MAN2A1: variants seen among roughly 807,000 people sequenced by gnomAD.
The protein encoded by MAN2A1 is mannosidase alpha class 2A member 1.
MAN2A1 carries 76 observed loss-of-function variants against 142.6 expected under a neutral mutation model. The ratio of observed to expected loss-of-function variants is 0.53; its 90% CI spans 0.44 to 0.65. MAN2A1 has a LOEUF of 0.65. Among genes scored for constraint, MAN2A1 ranks in the 30% least tolerant of loss-of-function variants. The pLI, the probability that MAN2A1 is intolerant of heterozygous loss-of-function variation, is 0.00. For missense variants in MAN2A1, 1,311 were observed against 1,365.1 expected (o/e 0.96, Z 0.62); for synonymous variants, 559 against 473.2 (o/e 1.18, Z -2.35).
At chr5:109,813,472 G>A (rs1297894686) in intron 12 of MAN2A1, among the ~76,000 whole-genome samples, 1 of 152,236 alleles carries the variant, frequency 6.6e-6, no homozygotes, top group Non-Finnish European at 1.5e-5. Flanking sequence ...TCCTGCTCTT[G>A]TTGAACCTCA....
At chr5:109,692,737 A>G (rs1750706621) in intron 1 of MAN2A1, among the ~76,000 whole-genome samples, 1 of 137,012 alleles carries the variant, frequency 7.3e-6, no homozygotes, top group African/African-American at 2.8e-5. Flanking sequence ...GTGATCCTCA[A>G]CCTTTTTGGT....
intron 5 of MAN2A1, among the ~76,000 whole-genome samples, chr5:109,760,159 CT>C (rs1752804639): frequency 6.6e-6 from 1 of 152,086 alleles, no homozygotes; most frequent in South Asian, 2.1e-4. Context: ...CCTGACGCCC[CT>C]GTGTGTCGTG....
chr5:109,690,405 T>G lies in MAN2A1; in HGVS notation c.-13T>G. 6.2e-7 allele frequency: 1 copy of G among 1,613,896 alleles called. No homozygotes were observed. The highest frequency in any genetic ancestry group is 1.1e-5 in the South Asian group (1 of 91,076). On this transcript the variant is annotated 5_prime_UTR_variant, in exon 1 of 22. Transcript: ENST00000261483. ...CTGAGGAGAGTGTCCTGGCCCCGAG[T>G]CTATCGAGGAAAATGAAGTTAAGCC... is the stretch of plus-strand genomic sequence containing the variant.
intron 6 of MAN2A1, 87 bp from the exon 7 acceptor site, chr5:109,770,268 A>C (rs1390935113): frequency 2.4e-6 from 3 of 1,236,448 alleles, no homozygotes; most frequent in Non-Finnish European, 2.3e-6. Context: ...AATCAGCATT[A>C]CTTTGTGTAA....
chr5:109,701,095 G>A (rs2112544697), intron 1 of MAN2A1, among the ~76,000 whole-genome samples: 1 of 152,296 alleles, frequency 6.6e-6, no homozygotes, highest in African/African-American at 2.4e-5. Context: ...TTATGTAGCA[G>A]GCACTGTTCT....
At chr5:109,702,338 TG>T (rs1751010469) in intron 1 of MAN2A1, among the ~76,000 whole-genome samples, 1 of 151,714 alleles carries the variant, frequency 6.6e-6, no homozygotes, top group Non-Finnish European at 1.5e-5. Flanking sequence ...TGTGTGTGTG[TG>T]TGTGTGTGTG....
chr5:109,759,574 T>G (rs543616211), intron 5 of MAN2A1, among the ~76,000 whole-genome samples: 2 of 152,304 alleles, frequency 1.3e-5, no homozygotes, highest in East Asian at 3.9e-4. Context: ...CACAGGTCTT[T>G]TTATGGGCAT....
intron 4 of MAN2A1, among the ~76,000 whole-genome samples, chr5:109,731,924 G>A (rs1751925278): frequency 1.3e-5 from 2 of 150,738 alleles, no homozygotes; most frequent in Admixed American, 1.3e-4. Context: ...CTGGATCCCT[G>A]AGGAATCGCC....
rs555106582 is a variant in MAN2A1, at chr5:109,697,834, G to A, written c.135+7282G>A. Among the ~76,000 whole-genome samples the A allele has an allele frequency of 9.5e-4, 145 of 152,262 alleles. 1 individual carries two copies. Among genetic ancestry groups the A allele is most frequent in the Non-Finnish European group, 1.7e-3 (113 of 68,012 alleles). Reference sequence around the variant, plus strand: ...TTAATTAAAGACAAACAAAATTCTCGTAAATTGGTTATTAGATAAGCATTG... The same window carrying A: ...TTAATTAAAGACAAACAAAATTCTCATAAATTGGTTATTAGATAAGCATTG... On this transcript the variant is annotated intron_variant, in intron 1 of 21. Transcript: ENST00000261483.
intron 19 of MAN2A1, among the ~76,000 whole-genome samples, chr5:109,851,439 G>T (rs567583119): frequency 1.3e-4 from 20 of 152,280 alleles, no homozygotes; most frequent in Admixed American, 9.2e-4. Flanking sequence ...TCTGCCTCAT[G>T]AATGAATTAA....
intron 4 of MAN2A1, among the ~76,000 whole-genome samples, chr5:109,748,759 A>G (rs1582855562): frequency 6.6e-6 from 1 of 151,944 alleles, no homozygotes; most frequent in African/African-American, 2.4e-5. Context: ...ATGTGGCTGG[A>G]TTGCAATGAG....
chr5:109,815,541 A>T (rs1009007554), intron 12 of MAN2A1, among the ~76,000 whole-genome samples: 1 of 152,176 alleles, frequency 6.6e-6, no homozygotes, highest in Non-Finnish European at 1.5e-5. Flanking sequence ...GACATTCTTA[A>T]TGTCATTATC....
At chr5:109,736,997 A>G (rs1168826405) in intron 4 of MAN2A1, among the ~76,000 whole-genome samples, 1 of 152,020 alleles carries the variant, frequency 6.6e-6, no homozygotes, top group Non-Finnish European at 1.5e-5. Context: ...TGTTAGAAAA[A>G]TAATTTTCAA....
chr5:109,789,485 C>G lies in MAN2A1; in HGVS notation c.1901C>G (p.Ser634Cys), dbSNP rs1178311235. ...EMDLKQKSQD[S>C]LPQKNIIRLS... is the part of the protein sequence containing the mutation. The stretch of plus-strand genomic sequence containing the variant: ...GATTTGAAACAAAAATCACAAGATT[C>G]TCTGCCACAAAAAAATATAATAAGG... The change falls in exon 12 of 22, where the codon TCT (serine) becomes TGT (cysteine). Residue 634 changes from serine (S) to cysteine (C), a missense_variant. Around this residue, in one of 3 missense-constraint regions of MAN2A1, gnomAD observed 890 missense variants for 920.5 expected, o/e 0.97. Coordinates refer to ENST00000261483, the MANE Select transcript of MAN2A1 (RefSeq NM_002372.4). 1.3e-6 allele frequency: 2 copies of G among 1,589,138 alleles called. No homozygotes were observed. The highest frequency in any genetic ancestry group is 1.7e-6 in the Non-Finnish European group (2 of 1,165,792).
chr5:109,846,077 A>G (rs1341426310), intron 18 of MAN2A1, 71 bp downstream of exon 18: 1 of 1,390,356 alleles, frequency 7.2e-7, no homozygotes, highest in Admixed American at 2.2e-5. Context: ...TCTGTTGGTC[A>G]GATGTGGTAT....
intron 16 of MAN2A1, among the ~76,000 whole-genome samples, chr5:109,829,667 T>C (rs1017301292): frequency 6.6e-6 from 1 of 152,190 alleles, no homozygotes; most frequent in African/African-American, 2.4e-5. Flanking sequence ...TGTTTCAGGA[T>C]CTTGATCCCA....
chr5:109,829,583 T>G (rs1289211135), intron 16 of MAN2A1, among the ~76,000 whole-genome samples: 1 of 152,220 alleles, frequency 6.6e-6, no homozygotes. Context: ...TAGCCATTGT[T>G]TTGATTGTAC....
chr5:109,831,432 A>G (rs544302007), intron 16 of MAN2A1, among the ~76,000 whole-genome samples: 7 of 152,236 alleles, frequency 4.6e-5, no homozygotes, highest in Non-Finnish European at 1.0e-4. Context: ...GAGGAAAAGA[A>G]TATCACAATG....
intron 3 of MAN2A1, among the ~76,000 whole-genome samples, chr5:109,719,097 T>G (rs1019722180): frequency 3.3e-5 from 5 of 152,094 alleles, no homozygotes; most frequent in African/African-American, 1.2e-4. Flanking sequence ...TTTGTTTGTT[T>G]GCATTACTAT....
Sources: allele counts gnomAD v4.1 joint callset (sites outside exome capture counted in the v4.1 genomes callset), GRCh38; gene constraint gnomAD v4.1.1; regional missense constraint gnomAD v4.1.1; transcripts MANE v1.5; gene names NCBI Gene and HGNC (gene_info 2026-07-23, HGNC 2026-07-21).